Variants in WDR18 observed in about 807,000 individuals in gnomAD.
WDR18 encodes WD repeat domain 18, also known as WD repeat-containing protein 18.
In WDR18, 33 loss-of-function variants were observed where a neutral mutation model predicts 49.6. The observed-to-expected ratio is 0.67, with a 90% CI of 0.50 to 0.89. WDR18 has a LOEUF of 0.89. Among genes scored for constraint, WDR18 ranks in the 40% least tolerant of loss-of-function variants. The pLI, the probability that WDR18 is intolerant of heterozygous loss-of-function variation, is 0.00. For synonymous variants in WDR18, 315 were observed against 263.6 expected (o/e 1.19, Z -1.89); for missense variants, 653 against 593.6 (o/e 1.10, Z -1.04).
intron 1 of WDR18, among the ~76,000 whole-genome samples, chr19:985,616 C>T (rs2038466553): frequency 6.6e-6 from 1 of 152,130 alleles, no homozygotes; most frequent in African/African-American, 2.4e-5. Context: ...GTACTCCTCC[C>T]ACCCAGGGCC....
rs1599449141 is a variant in WDR18, at chr19:992,720, A to C, written c.1098+599A>C. On this transcript the variant is annotated intron_variant, in intron 8 of 9. Coordinates refer to ENST00000585809, the MANE Select transcript of WDR18 (RefSeq NM_024100.4). ...CAGCCCCAAGACCCTCATAGAAGCC[A>C]GTGTGGTTGGCTGGGCTGGGCTGGG... Among the ~76,000 whole-genome samples, 6 of 152,236 alleles carry C rather than the reference A, an allele frequency of 3.9e-5. 1 individual carries two copies. Among genetic ancestry groups the C allele is most frequent in the Admixed American group, 3.9e-4 (6 of 15,304 alleles).
chr19:990,497 T>TC, intron 4 of WDR18, 133 bp downstream of exon 4: 2 of 1,293,930 alleles, frequency 1.5e-6, no homozygotes, highest in Non-Finnish European at 2.0e-6. Context: ...CCCCTGGTGC[T>TC]CTGAGCCCAA....
intron 1 of WDR18, among the ~76,000 whole-genome samples, chr19:985,630 C>T (rs571187953): frequency 6.6e-6 from 1 of 152,284 alleles, no homozygotes; most frequent in Non-Finnish European, 1.5e-5. Context: ...CAGGGCCCCT[C>T]TGACCCTCAG....
chr19:987,829 GTTTTTTT>G (rs71174337), intron 2 of WDR18, among the ~76,000 whole-genome samples: 51,833 of 91,782 alleles, frequency 0.56, 13,972 homozygotes, highest in Middle Eastern at 0.61. Context: ...GCCGCCTCCA[GTTTTTTT>G]TTTTTTTTTT....
In WDR18 at chr19:994,201, C is replaced by T. The variant is rs1364732091; in HGVS notation, c.1168-12C>T. 1.9e-6 allele frequency: 3 copies of T among 1,593,482 alleles called. No homozygotes were observed. In the Admixed American group the frequency reaches 5.1e-5, roughly 27 times the overall value. On this transcript the variant is annotated splice_polypyrimidine_tract_variant and intron_variant, in intron 9 of 9. Transcript: ENST00000585809. ...GGCCACTTCTGCCCTCTGACCCCGACTTCTCCCGCAGAGCGTGCTCGGCGG... is the reference window on the plus strand; with the variant it reads ...GGCCACTTCTGCCCTCTGACCCCGATTTCTCCCGCAGAGCGTGCTCGGCGG...
chr19:993,516 G>A (rs1270665226), intron 8 of WDR18, among the ~76,000 whole-genome samples: 1 of 152,244 alleles, frequency 6.6e-6, no homozygotes, highest in Non-Finnish European at 1.5e-5. Flanking sequence ...GCGCTGCTGG[G>A]GCCCAAGGCG....
intron 3 of WDR18, 62 bp from the exon 4 acceptor site, chr19:990,161 G>A (rs1293234045): frequency 3.3e-6 from 5 of 1,516,012 alleles, no homozygotes; most frequent in African/African-American, 2.8e-5. Context: ...GGGTGCTGGA[G>A]GCGTGGACTG....
Position 994,006 on chromosome 19 carries a change from T to G in WDR18, c.1099-14T>G. 1 of 1,550,978 alleles carries G rather than the reference T, an allele frequency of 6.4e-7. No individual in the cohort carries two copies. Among genetic ancestry groups the G allele is most frequent in the Non-Finnish European group, 8.7e-7 (1 of 1,147,844 alleles). ...AGGACGCGCCCCGAGGTCACGTGGC[T>G]CCCTGTGTTACAGGGCTCGGAGCCC... is the stretch of plus-strand genomic sequence containing the variant. On this transcript the variant is annotated splice_polypyrimidine_tract_variant and intron_variant, in intron 8 of 9. Coordinates refer to ENST00000585809, the MANE Select transcript of WDR18 (RefSeq NM_024100.4).
Position 984,349 on chromosome 19 carries a change from G to A in WDR18, c.-5G>A, listed in dbSNP as rs2038450616. ...ACGCACGTCCGGGGCGGTGGGGAAG[G>A]CAAGATGGCGGCGCCCATGGAGGTG... On this transcript the variant is annotated 5_prime_UTR_variant, in exon 1 of 10. Coordinates refer to ENST00000585809, the MANE Select transcript of WDR18 (RefSeq NM_024100.4). 2.5e-6 allele frequency: 4 copies of A among 1,588,930 alleles called. No homozygotes were observed. The highest frequency in any genetic ancestry group is 1.7e-5 in the Admixed American group (1 of 57,546).
chr19:984,143 C>T, upstream of WDR18: 2 of 518,906 alleles, frequency 3.9e-6, no homozygotes, highest in South Asian at 3.0e-5. Flanking sequence ...GAAGAAGTCG[C>T]CTCCCCAGAT....
chr19:989,915 G>A lies in WDR18; in HGVS notation c.455+20G>A, dbSNP rs377654389. 7.0e-6 allele frequency: 11 copies of A among 1,581,496 alleles called. No individual in the cohort carries two copies. Among genetic ancestry groups the A allele is most frequent in the Middle Eastern group, 3.4e-4 (2 of 5,894 alleles). On this transcript the variant is annotated intron_variant, in intron 3 of 9. Transcript: ENST00000585809. ...CTGCAGGTAGCGCCTTGCGCACTCA[G>A]GCCTGCACCTGGAACTGCACCCGGG...
At chr19:989,621 C>A in intron 2 of WDR18, 141 bp from the exon 3 acceptor site, 2 of 1,252,256 alleles carry the variant, frequency 1.6e-6, no homozygotes, top group Non-Finnish European at 2.2e-6. Context: ...CTGACAGGGT[C>A]ACCCCGCAGT....
At position 984,443 on chromosome 19, in the gene WDR18, C is replaced by T. The variant is rs766485652; in HGVS notation, c.90C>T (p.Asn30=). Residue 30 remains asparagine, a synonymous_variant, in exon 1 of 10, where the codon AAC becomes AAT. Transcript: ENST00000585809. The stretch of plus-strand genomic sequence containing the variant: ...TGTGGGAACTTCACTCGGGCGCCAA[C>T]CTGCTCACCTACCGCGGCGGCCAGG... ...CIVWELHSGA[N]LLTYRGGQAG... is the part of the protein sequence containing the mutation. The T allele has an allele frequency of 1.3e-6, 2 of 1,599,420 alleles. No individual in the cohort carries two copies. The highest frequency in any genetic ancestry group is 8.5e-7 in the Non-Finnish European group (1 of 1,174,516).
intron 2 of WDR18, among the ~76,000 whole-genome samples, chr19:986,345 A>G (rs1378290520): frequency 2.0e-5 from 3 of 152,258 alleles, no homozygotes; most frequent in South Asian, 2.1e-4. Flanking sequence ...CCGGTAGTCA[A>G]TGCAACCTCT....
At chr19:984,635 G>T (rs1441417672) in intron 1 of WDR18, 72 bp downstream of exon 1, 2 of 1,336,028 alleles carry the variant, frequency 1.5e-6, no homozygotes, top group African/African-American at 3.1e-5. Context: ...GGTTGGTGGG[G>T]GCCGCGTGCA....
chr19:984,631 T>TG, intron 1 of WDR18, 68 bp downstream of exon 1: 8 of 1,341,184 alleles, frequency 6.0e-6, no homozygotes, highest in Non-Finnish European at 6.7e-6. Flanking sequence ...GATGGGTTGG[T>TG]GGGGGCCGCG....
intron 8 of WDR18, 80 bp downstream of exon 8, chr19:992,201 G>A: frequency 7.3e-7 from 1 of 1,374,138 alleles, no homozygotes; most frequent in Non-Finnish European, 9.4e-7. Flanking sequence ...CGCTCCCTTG[G>A]TCCTGGCGCC....
intron 8 of WDR18, among the ~76,000 whole-genome samples, 166 bp from the exon 9 acceptor site, chr19:993,854 C>G (rs72971640): frequency 0.033 from 4,954 of 152,292 alleles, 127 homozygotes; most frequent in East Asian, 0.045. Flanking sequence ...CATCTGCAGG[C>G]TCGACGGAGG....
intron 7 of WDR18, 26 bp downstream of exon 7, chr19:991,377 G>T: frequency 6.5e-7 from 1 of 1,533,494 alleles, no homozygotes; most frequent in South Asian, 1.2e-5. Context: ...CTCGGCCCGC[G>T]GCCAGCGCGC....
Sources: allele counts gnomAD v4.1 joint callset (sites outside exome capture counted in the v4.1 genomes callset), GRCh38; gene constraint gnomAD v4.1.1; transcripts MANE v1.5; gene names NCBI Gene and HGNC (gene_info 2026-07-23, HGNC 2026-07-21).